NALF1: variants seen among roughly 807,000 people sequenced by gnomAD.
The protein encoded by NALF1 is family with sequence similarity 155 member A.
A neutral mutation model predicts 48.4 loss-of-function variants in NALF1; 3 were observed. The ratio of observed to expected loss-of-function variants is 0.06; its 90% CI spans 0.03 to 0.16. The LOEUF (loss-of-function observed/expected upper bound fraction) is 0.16. Among genes scored for constraint, NALF1 ranks in the 10% least tolerant of loss-of-function variants. The pLI, the probability that NALF1 is intolerant of heterozygous loss-of-function variation, is 1.00. For missense variants in NALF1, 526 were observed against 571.5 expected (o/e 0.92, Z 0.81); for synonymous variants, 262 against 245.7 (o/e 1.07, Z -0.62).
In NALF1 at chr13:107,699,773, A is replaced by T. The variant is rs1428780128; in HGVS notation, c.915+165909T>A. ...ATAATTCCATATGTAGAAAACCCCA[A>T]ATACTCCACACACAAAAAAACTGTT... On this transcript the variant is annotated intron_variant, in intron 1 of 2. Coordinates refer to ENST00000375915, the MANE Select transcript of NALF1 (RefSeq NM_001080396.3). Among the ~76,000 whole-genome samples, 3 of 152,084 alleles carry T rather than the reference A, an allele frequency of 2.0e-5. No homozygotes were observed. The East Asian group carries it at 5.8e-4, about 29-fold the overall frequency.
chr13:107,293,491 C>T (rs902937356), intron 1 of NALF1, among the ~76,000 whole-genome samples: 2 of 152,132 alleles, frequency 1.3e-5, no homozygotes, highest in African/African-American at 4.8e-5. Flanking sequence ...GCCTCACTTC[C>T]CTACTCCTTT....
intron 1 of NALF1, among the ~76,000 whole-genome samples, chr13:107,745,111 C>A (rs1876749559): frequency 1.3e-5 from 2 of 152,196 alleles, no homozygotes; most frequent in Non-Finnish European, 2.9e-5. Flanking sequence ...AGGTCTGTAG[C>A]ACTAATACCT....
intron 1 of NALF1, among the ~76,000 whole-genome samples, chr13:107,857,490 G>A (rs1880467341): frequency 6.6e-6 from 1 of 152,130 alleles, no homozygotes; most frequent in Admixed American, 6.5e-5. Flanking sequence ...CACTACAATG[G>A]TTTCTCCCCT....
chr13:107,356,211 A>C (rs554493586), intron 1 of NALF1, among the ~76,000 whole-genome samples: 1 of 152,280 alleles, frequency 6.6e-6, no homozygotes, highest in Non-Finnish European at 1.5e-5. Context: ...AAAGTAACTA[A>C]ATTTCAACAC....
chr13:107,376,136 T>C (rs1883332974), intron 1 of NALF1, among the ~76,000 whole-genome samples: 1 of 152,102 alleles, frequency 6.6e-6, no homozygotes, highest in African/African-American at 2.4e-5. Context: ...GGGAAGGAAA[T>C]AAGGCCTCCT....
At chr13:107,469,677 T>C (rs534941971) in intron 1 of NALF1, among the ~76,000 whole-genome samples, 2 of 152,000 alleles carry the variant, frequency 1.3e-5, no homozygotes, top group East Asian at 3.9e-4. Flanking sequence ...TTTTTATCTG[T>C]AGTTGGTTGA....
chr13:107,848,900 G>A (rs895419632), intron 1 of NALF1, among the ~76,000 whole-genome samples: 2 of 152,098 alleles, frequency 1.3e-5, no homozygotes, highest in African/African-American at 2.4e-5. Context: ...TCAAATACAC[G>A]AGGCCACATA....
At chr13:107,741,949 A>G (rs1384802369) in intron 1 of NALF1, among the ~76,000 whole-genome samples, 1 of 152,244 alleles carries the variant, frequency 6.6e-6, no homozygotes, top group East Asian at 1.9e-4. Context: ...TCATCCCTAC[A>G]GAACTTTGGT....
intron 1 of NALF1, among the ~76,000 whole-genome samples, chr13:107,298,240 C>A (rs572411125): frequency 2.0e-5 from 3 of 147,276 alleles, no homozygotes; most frequent in Admixed American, 6.9e-5. Context: ...GTCCCAACTA[C>A]TAGGGAGGCT....
At chr13:107,496,919 C>T (rs1875358354) in intron 1 of NALF1, among the ~76,000 whole-genome samples, 1 of 152,122 alleles carries the variant, frequency 6.6e-6, no homozygotes, top group Non-Finnish European at 1.5e-5. Context: ...TACCTCCCAC[C>T]AGGTCCCTTC....
At chr13:107,743,819 G>C (rs943945796) in intron 1 of NALF1, among the ~76,000 whole-genome samples, 1 of 152,182 alleles carries the variant, frequency 6.6e-6, no homozygotes, top group Admixed American at 6.5e-5. Flanking sequence ...CACAGGGTAA[G>C]CTGTATGTCC....
chr13:107,786,823 C>T (rs1385322257), intron 1 of NALF1, among the ~76,000 whole-genome samples: 1 of 152,210 alleles, frequency 6.6e-6, no homozygotes, highest in African/African-American at 2.4e-5. Flanking sequence ...AAGGCAATCA[C>T]TTTTCTCGCC....
At chr13:107,521,494 C>A (rs550604104) in intron 1 of NALF1, among the ~76,000 whole-genome samples, 15 of 152,220 alleles carry the variant, frequency 9.9e-5, no homozygotes, top group African/African-American at 3.4e-4. Flanking sequence ...TAGTTTCATA[C>A]AAAACGGTAT....
At chr13:107,644,646 C>CT (rs1880259907) in intron 1 of NALF1, among the ~76,000 whole-genome samples, 1 of 108,246 alleles carries the variant, frequency 9.2e-6, no homozygotes, top group Non-Finnish European at 1.8e-5. Flanking sequence ...TACATACATA[C>CT]ATATATATAT....
At chr13:107,826,298 T>C (rs1449308144) in intron 1 of NALF1, among the ~76,000 whole-genome samples, 2 of 146,058 alleles carry the variant, frequency 1.4e-5, no homozygotes, top group African/African-American at 5.3e-5. Flanking sequence ...TGTGTGTGCA[T>C]GTGCACGTGT....
chr13:107,407,439 C>T (rs947168157), intron 1 of NALF1, among the ~76,000 whole-genome samples: 2 of 151,882 alleles, frequency 1.3e-5, no homozygotes, highest in East Asian at 1.9e-4. Flanking sequence ...GATTTTAAAA[C>T]GGGCAAAAGA....
intron 1 of NALF1, among the ~76,000 whole-genome samples, chr13:107,737,127 T>C (rs1428718339): frequency 6.6e-6 from 1 of 152,234 alleles, no homozygotes; most frequent in Non-Finnish European, 1.5e-5. Context: ...TCTTCGTAAA[T>C]GGCATTATTA....
chr13:107,560,370 C>T (rs1877610387), intron 1 of NALF1, among the ~76,000 whole-genome samples: 1 of 151,996 alleles, frequency 6.6e-6, no homozygotes, highest in Admixed American at 6.6e-5. Context: ...ATAAAATACC[C>T]AAGGACTTGT....
At chr13:107,246,921 C>T (rs1215279273) in intron 1 of NALF1, among the ~76,000 whole-genome samples, 1 of 152,114 alleles carries the variant, frequency 6.6e-6, no homozygotes, top group Admixed American at 6.5e-5. Context: ...ATCTCTATCA[C>T]AGTTGGGTCA....
Sources: allele counts gnomAD v4.1 joint callset (sites outside exome capture counted in the v4.1 genomes callset), GRCh38; gene constraint gnomAD v4.1.1; transcripts MANE v1.5; gene names NCBI Gene and HGNC (gene_info 2026-07-23, HGNC 2026-07-21).